The following AIG1 variants were observed in gnomAD, a reference collection of about 807,000 sequenced individuals.
The protein encoded by AIG1 is androgen induced 1, also known as androgen-induced gene 1 protein.
In AIG1, 23 loss-of-function variants were observed where a neutral mutation model predicts 31.4. That is an observed-to-expected ratio of 0.73 (90% CI 0.53 to 1.04). The LOEUF is 1.04. AIG1 is among the 50% of genes least tolerant of loss of function. The pLI is 0.00. For synonymous variants in AIG1, 100 were observed against 110.5 expected (o/e 0.90, Z 0.60); for missense variants, 274 against 295.0 (o/e 0.93, Z 0.52).
At chr6:143,196,835 TA>T (rs1345355166) in intron 3 of AIG1, among the ~76,000 whole-genome samples, 5 of 151,366 alleles carry the variant, frequency 3.3e-5, no homozygotes, top group African/African-American at 1.2e-4. Context: ...TTACTGGCAA[TA>T]AAAAAAAGAA....
intron 3 of AIG1, among the ~76,000 whole-genome samples, chr6:143,179,562 G>A (rs1218852847): frequency 6.6e-6 from 1 of 152,122 alleles, no homozygotes; most frequent in Non-Finnish European, 1.5e-5. Context: ...AAATCCACAG[G>A]GCTTTCGTTT....
intron 2 of AIG1, among the ~76,000 whole-genome samples, chr6:143,154,594 C>T (rs1057134816): frequency 6.6e-6 from 1 of 152,116 alleles, no homozygotes; most frequent in Non-Finnish European, 1.5e-5. Flanking sequence ...AGCAGGCAGT[C>T]GTGATACAAA....
chr6:143,098,418 T>A (rs1179113482), intron 1 of AIG1, among the ~76,000 whole-genome samples: 1 of 152,216 alleles, frequency 6.6e-6, no homozygotes, highest in Non-Finnish European at 1.5e-5. Flanking sequence ...ATTTTCTGTT[T>A]CTTCTTAGCC....
rs550877854 is a variant in AIG1 at position 143,190,192 on chromosome 6, A to C, written c.399+25009A>C. ...GAAACATTCAGCCCATAGCAGGATGAGAAAAAGAAAGGAAAGTACAACAAA... is the reference window on the plus strand; with the variant it reads ...GAAACATTCAGCCCATAGCAGGATGCGAAAAAGAAAGGAAAGTACAACAAA... On this transcript the variant is annotated intron_variant, in intron 3 of 5. Coordinates refer to ENST00000357847, the MANE Select transcript of AIG1 (RefSeq NM_016108.4). 5.2e-5 allele frequency: 51 copies of C among 984,838 alleles called. No individual in the cohort carries two copies. The East Asian group carries it at 5.0e-3, about 97-fold the overall frequency. 61.0% of individuals were successfully genotyped at this position (984,838 alleles called of 1,614,324 possible). A position where few individuals can be genotyped will look rare whatever the true frequency, so the allele number is the denominator to read the frequency against.
intron 1 of AIG1, among the ~76,000 whole-genome samples, chr6:143,136,051 A>T (rs1269868267): frequency 6.6e-6 from 1 of 152,194 alleles, no homozygotes; most frequent in African/African-American, 2.4e-5. Flanking sequence ...TAAATAAAAC[A>T]TAGCTGATCT....
chr6:143,206,062 C>T (rs1038164245), intron 3 of AIG1, among the ~76,000 whole-genome samples: 3 of 152,208 alleles, frequency 2.0e-5, no homozygotes, highest in Non-Finnish European at 4.4e-5. Context: ...CATGACTTCT[C>T]TTTTTCTTAT....
rs558427236 is a variant in AIG1 at position 143,213,404 on chromosome 6, T to C, written c.399+48221T>C. Among the ~76,000 whole-genome samples the C allele has an allele frequency of 3.9e-5, 6 of 152,058 alleles. No homozygotes were observed. The South Asian group carries it at 1.2e-3, about 32-fold the overall frequency. ...GGTTTCTAAGTGCTTTGACTGCACA[T>C]TGGATAGTATAATAAATGAGGGGCA... On this transcript the variant is annotated intron_variant, in intron 3 of 5. Transcript: ENST00000357847.
At position 143,331,844 on chromosome 6, in the gene AIG1, T is replaced by C. The variant is rs1777100268; in HGVS notation, c.516-1438T>C. Among the ~76,000 whole-genome samples the C allele has an allele frequency of 1.5e-5, 2 of 131,678 alleles. No individual in the cohort carries two copies. The highest frequency in any genetic ancestry group is 2.7e-4 in the South Asian group (1 of 3,720). The allele number at this position is 131,678 out of a possible 152,430, so 86.4% of individuals were successfully genotyped here. ...AAAAATGAGGTACATGTGTAGGTAATGTTTATTATTATTATTATTATTATT... is the reference window on the plus strand; with the variant it reads ...AAAAATGAGGTACATGTGTAGGTAACGTTTATTATTATTATTATTATTATT... On this transcript the variant is annotated intron_variant, in intron 4 of 5. Transcript: ENST00000357847. The surrounding 1 kb of genome is among the most constrained non-coding windows in gnomAD (Gnocchi z 4.1).
At chr6:143,209,031 A>G (rs944442906) in intron 3 of AIG1, among the ~76,000 whole-genome samples, 25 of 152,100 alleles carry the variant, frequency 1.6e-4, no homozygotes, top group Admixed American at 6.6e-5. Context: ...CTGGAGCCTG[A>G]TGTATTACTA....
At chr6:143,310,224 A>G (rs1775153865) in intron 4 of AIG1, among the ~76,000 whole-genome samples, 1 of 151,938 alleles carries the variant, frequency 6.6e-6, no homozygotes, top group Non-Finnish European at 1.5e-5. Flanking sequence ...ACATTCACCA[A>G]TATCAACCCT....
chr6:143,191,782 A>G (rs1172495540), intron 3 of AIG1, among the ~76,000 whole-genome samples: 2 of 152,210 alleles, frequency 1.3e-5, no homozygotes, highest in African/African-American at 4.8e-5. Flanking sequence ...AAAAAATTTT[A>G]ATGACATTTA....
intron 1 of AIG1, among the ~76,000 whole-genome samples, chr6:143,078,648 A>AC (rs1275946852): frequency 2.0e-5 from 3 of 152,210 alleles, no homozygotes; most frequent in African/African-American, 7.2e-5. Context: ...AAAAGGGAAA[A>AC]CCCCTTATAA....
At position 143,334,210 on chromosome 6, in the gene AIG1, G is replaced by T; in HGVS notation, c.679+765G>T. ...GACATGTAGTGATTGAGTCCTGCAT[G>T]AAAATACATCCAAAGGCAAGATGGT... On this transcript the variant is annotated intron_variant, in intron 5 of 5. Coordinates refer to ENST00000357847, the MANE Select transcript of AIG1 (RefSeq NM_016108.4). This position sits in a 1 kb window ranked among gnomAD's most constrained non-coding sequence, Gnocchi z 5.1. 1 of 1,028,054 alleles carries T rather than the reference G, an allele frequency of 9.7e-7. No homozygotes were observed. The highest frequency in any genetic ancestry group is 1.4e-6 in the Non-Finnish European group (1 of 725,524). The allele number at this position is 1,028,054 out of a possible 1,614,324, so 63.7% of individuals were successfully genotyped here.
At chr6:143,247,502 C>T (rs550547293) in intron 3 of AIG1, among the ~76,000 whole-genome samples, 4 of 152,256 alleles carry the variant, frequency 2.6e-5, no homozygotes, top group Non-Finnish European at 4.4e-5. Flanking sequence ...TTAAAGACCC[C>T]GTCATAAATC....
intron 2 of AIG1, 63 bp from the exon 3 acceptor site, chr6:143,165,019 C>A: frequency 1.6e-6 from 2 of 1,261,414 alleles, no homozygotes; most frequent in South Asian, 1.3e-5. Flanking sequence ...TATTGTTAAC[C>A]AATAAATTGT....
intron 4 of AIG1, among the ~76,000 whole-genome samples, chr6:143,319,862 T>C (rs926188923): frequency 2.0e-5 from 3 of 151,884 alleles, no homozygotes; most frequent in Non-Finnish European, 4.4e-5. Context: ...AAAGCAATAA[T>C]AGAGAAATGA....
intron 1 of AIG1, among the ~76,000 whole-genome samples, chr6:143,091,327 T>G (rs776160788): frequency 3.3e-5 from 5 of 152,202 alleles, no homozygotes; most frequent in Non-Finnish European, 7.3e-5. Flanking sequence ...CTTAATAGCT[T>G]GTAGAATGGT....
intron 4 of AIG1, among the ~76,000 whole-genome samples, chr6:143,309,855 ATT>A (rs2128706149): frequency 6.6e-6 from 1 of 152,162 alleles, no homozygotes; most frequent in Non-Finnish European, 1.5e-5. Flanking sequence ...AGCTATATTA[ATT>A]TCAGACAAAG....
At position 143,101,151 on chromosome 6, in the gene AIG1, G is replaced by A. The variant is rs771683719; in HGVS notation, c.142-35684G>A. ...AATGTTTATTAAAGTGAGATGTCAG[G>A]TTGCTGGCTTTCATTGTTGAAGAGT... On this transcript the variant is annotated intron_variant, in intron 1 of 5. Transcript: ENST00000357847. 9.5e-4 allele frequency among the ~76,000 whole-genome samples: 144 copies of A among 151,912 alleles called. 1 individual carries two copies. The highest frequency in any genetic ancestry group is 1.6e-3 in the Non-Finnish European group (109 of 67,964).
Sources: gnomAD v4.1 joint callset for allele counts (sites outside exome capture counted in the v4.1 genomes callset) on GRCh38, gnomAD v4.1.1 for gene constraint, Gnocchi (gnomAD v3.1) non-coding constraint, MANE v1.5 for transcripts, NCBI Gene and HGNC (gene_info 2026-07-23, HGNC 2026-07-21) for gene names.